The following ENOX1 variants were observed in gnomAD, a reference collection of about 807,000 sequenced individuals.
ENOX1 encodes the protein candidate growth-related and time keeping constitutive hydroquinone (NADH) oxidase.
In ENOX1, 42 loss-of-function variants were observed where a neutral mutation model predicts 82.5. The observed-to-expected ratio is 0.51, with a 90% CI of 0.40 to 0.66. The LOEUF (loss-of-function observed/expected upper bound fraction) is 0.66. Among genes scored for constraint, ENOX1 ranks in the 30% least tolerant of loss-of-function variants. ENOX1 has a pLI of 0.00. For missense variants in ENOX1, 608 were observed against 811.6 expected (o/e 0.75, Z 3.05); for synonymous variants, 271 against 282.2 (o/e 0.96, Z 0.40).
intron 2 of ENOX1, among the ~76,000 whole-genome samples, chr13:43,652,570 G>A (rs999727875): frequency 5.3e-5 from 8 of 152,192 alleles, no homozygotes; most frequent in Admixed American, 2.6e-4. Flanking sequence ...TAGTAAGGTG[G>A]AGGAGGGTGA....
At chr13:43,387,177 A>G (rs1458102867) in intron 5 of ENOX1, among the ~76,000 whole-genome samples, 3 of 152,218 alleles carry the variant, frequency 2.0e-5, no homozygotes, top group Non-Finnish European at 1.5e-5. Context: ...ATTGATAGAC[A>G]TAATCAAAAG....
chr13:43,754,246 TAC>T (rs1357485645), intron 1 of ENOX1, among the ~76,000 whole-genome samples: 2 of 148,128 alleles, frequency 1.4e-5, no homozygotes, highest in Non-Finnish European at 3.0e-5. Context: ...TATGTATATA[TAC>T]ACATATATAC....
intron 14 of ENOX1, among the ~76,000 whole-genome samples, chr13:43,241,184 C>T (rs1011424042): frequency 2.0e-5 from 3 of 152,186 alleles, no homozygotes; most frequent in Admixed American, 6.5e-5. Flanking sequence ...CCTTATTACT[C>T]TCTCCACCCC....
intron 2 of ENOX1, among the ~76,000 whole-genome samples, chr13:43,550,278 A>T (rs1195561733): frequency 6.6e-6 from 1 of 152,106 alleles, no homozygotes; most frequent in Non-Finnish European, 1.5e-5. Flanking sequence ...AACTAATATT[A>T]ATAAAGGGAA....
At chr13:43,325,847 G>A (rs149056620) in intron 10 of ENOX1, among the ~76,000 whole-genome samples, 4 of 152,176 alleles carry the variant, frequency 2.6e-5, no homozygotes, top group Non-Finnish European at 4.4e-5. Context: ...ATTCTAGACT[G>A]TTCTCTTGGG....
chr13:43,475,016 C>T (rs1593387989), intron 3 of ENOX1, among the ~76,000 whole-genome samples: 1 of 152,088 alleles, frequency 6.6e-6, no homozygotes, highest in Middle Eastern at 3.4e-3. Flanking sequence ...TGAAGGCAGA[C>T]AGATTGGAAG....
At chr13:43,352,125 A>C (rs1011746143) in intron 8 of ENOX1, among the ~76,000 whole-genome samples, 6 of 152,198 alleles carry the variant, frequency 3.9e-5, no homozygotes, top group African/African-American at 1.4e-4. Context: ...TCCCTCTGGC[A>C]GGCTGACATG....
At chr13:43,666,521 A>G (rs929830025) in intron 2 of ENOX1, among the ~76,000 whole-genome samples, 8 of 152,052 alleles carry the variant, frequency 5.3e-5, no homozygotes, top group Admixed American at 1.3e-4. Flanking sequence ...AATGCCATCT[A>G]TAAGTCAAGG....
intron 1 of ENOX1, among the ~76,000 whole-genome samples, chr13:43,685,098 T>C (rs1672034770): frequency 6.6e-6 from 1 of 152,196 alleles, no homozygotes; most frequent in South Asian, 2.1e-4. Context: ...GGCTGTGCTC[T>C]ACAATGCTTG....
At position 43,596,229 on chromosome 13, in the gene ENOX1, T is replaced by C. The variant is rs947394613; in HGVS notation, c.-219+71250A>G. On this transcript the variant is annotated intron_variant, in intron 2 of 16. Transcript: ENST00000690772. ...AAACATCTGGGGACAGGGGAAAAGA[T>C]CTATCGGGAGCTTTTCACTACCATG... 1.6e-4 allele frequency among the ~76,000 whole-genome samples: 24 copies of C among 152,242 alleles called. No homozygotes were observed. The East Asian group carries it at 3.3e-3, about 21-fold the overall frequency.
intron 7 of ENOX1, 76 bp from the exon 8 acceptor site, chr13:43,356,228 C>T: frequency 7.7e-7 from 1 of 1,301,368 alleles, no homozygotes; most frequent in Non-Finnish European, 1.1e-6. Context: ...TCAAGGCACG[C>T]TTAGGCAAAT....
At chr13:43,573,842 C>G (rs571624803) in intron 2 of ENOX1, among the ~76,000 whole-genome samples, 1 of 152,096 alleles carries the variant, frequency 6.6e-6, no homozygotes, top group Non-Finnish European at 1.5e-5. Flanking sequence ...TTGAGGAGTT[C>G]ACAGACTTAT....
chr13:43,682,040 C>T (rs557184061), intron 1 of ENOX1, among the ~76,000 whole-genome samples: 9 of 152,170 alleles, frequency 5.9e-5, no homozygotes, highest in Non-Finnish European at 8.8e-5. Flanking sequence ...CCATAATGAA[C>T]GACTGAGGCT....
chr13:43,577,871 C>G (rs2080515820), intron 2 of ENOX1, among the ~76,000 whole-genome samples: 1 of 152,200 alleles, frequency 6.6e-6, no homozygotes. Context: ...TTGCCCCTAT[C>G]CTGATTGACA....
At chr13:43,785,469 C>T (rs1952515213) in intron 1 of ENOX1, among the ~76,000 whole-genome samples, 3 of 152,198 alleles carry the variant, frequency 2.0e-5, no homozygotes, top group African/African-American at 4.8e-5. Context: ...TCCATACGCA[C>T]GTATTTCCTG....
intron 2 of ENOX1, among the ~76,000 whole-genome samples, chr13:43,528,185 C>A (rs1246048517): frequency 1.3e-5 from 2 of 152,084 alleles, no homozygotes; most frequent in African/African-American, 4.8e-5. Flanking sequence ...CTAGACCCAC[C>A]TTACTTTCAA....
intron 5 of ENOX1, among the ~76,000 whole-genome samples, chr13:43,387,579 T>C (rs1005325409): frequency 3.9e-5 from 6 of 152,014 alleles, no homozygotes; most frequent in Non-Finnish European, 8.8e-5. Flanking sequence ...GCCTATTGAC[T>C]TTCTGCTTGA....
intron 12 of ENOX1, among the ~76,000 whole-genome samples, chr13:43,277,642 T>A (rs2045132077): frequency 6.6e-6 from 1 of 152,130 alleles, no homozygotes; most frequent in East Asian, 1.9e-4. Flanking sequence ...ATCTGAGCAA[T>A]GTCTCCCAGC....
chr13:43,590,382 CAATTAA>C (rs1202344097), intron 2 of ENOX1, among the ~76,000 whole-genome samples: 2 of 152,044 alleles, frequency 1.3e-5, no homozygotes, highest in African/African-American at 4.8e-5. Flanking sequence ...GAACACATTA[CAATTAA>C]AATTGTCTTT....
Sources: gnomAD v4.1 joint callset for allele counts (sites outside exome capture counted in the v4.1 genomes callset) on GRCh38, gnomAD v4.1.1 for gene constraint, MANE v1.5 for transcripts, NCBI Gene and HGNC (gene_info 2026-07-23, HGNC 2026-07-21) for gene names.